The following NELL1 variants were observed in gnomAD, a reference collection of about 807,000 sequenced individuals.
NELL1 encodes the protein protein kinase C-binding protein NELL1.
Under a neutral mutation model 107.4 loss-of-function variants are expected in NELL1, and 76 were observed. The observed-to-expected ratio is 0.71, with a 90% confidence interval of 0.59 to 0.86. The LOEUF (loss-of-function observed/expected upper bound fraction) is 0.86, where lower values mean the gene tolerates loss of function less well. NELL1 is among the 40% of genes least tolerant of loss of function. NELL1 has a pLI of 0.00. For missense variants in NELL1, 1,024 were observed against 1,005.5 expected (o/e 1.02, Z -0.25); for synonymous variants, 353 against 341.2 (o/e 1.03, Z -0.38).
chr11:21,293,735 G>A (rs1337727306), intron 14 of NELL1, among the ~76,000 whole-genome samples: 1 of 152,128 alleles, frequency 6.6e-6, no homozygotes, highest in African/African-American at 2.4e-5. Context: ...TACACACCAT[G>A]GAATACTATG....
At position 20,825,344 on chromosome 11, in the gene NELL1, A is replaced by T. The variant is rs1193296737; in HGVS notation, c.336-22239A>T. Reference sequence around the variant, plus strand: ...TGTCCTCCAGACCCCAGAATGGTAGATCTACCGACATCTTGTGCCATGAAC... The same window carrying T: ...TGTCCTCCAGACCCCAGAATGGTAGTTCTACCGACATCTTGTGCCATGAAC... On this transcript the variant is annotated intron_variant, in intron 3 of 19. Transcript: ENST00000357134. 3.3e-5 allele frequency among the ~76,000 whole-genome samples: 5 copies of T among 151,310 alleles called. No homozygotes were observed. The East Asian group carries it at 9.7e-4, about 29-fold the overall frequency.
intron 15 of NELL1, among the ~76,000 whole-genome samples, chr11:21,453,079 C>T (rs1450386103): frequency 6.6e-6 from 1 of 152,024 alleles, no homozygotes; most frequent in African/African-American, 2.4e-5. Flanking sequence ...ACATGCACCT[C>T]AAGAAAATTT....
At chr11:21,168,674 T>C (rs1394658736) in intron 13 of NELL1, among the ~76,000 whole-genome samples, 1 of 151,910 alleles carries the variant, frequency 6.6e-6, no homozygotes, top group Non-Finnish European at 1.5e-5. Context: ...ATTTTCTTAA[T>C]CCTCCTAAAA....
At chr11:21,350,712 A>T (rs1850789365) in intron 14 of NELL1, among the ~76,000 whole-genome samples, 1 of 152,180 alleles carries the variant, frequency 6.6e-6, no homozygotes, top group Non-Finnish European at 1.5e-5. Context: ...GGAGACAGAG[A>T]GTTGAAAGAC....
chr11:20,707,458 A>T (rs1452405358), intron 2 of NELL1, among the ~76,000 whole-genome samples: 1 of 152,132 alleles, frequency 6.6e-6, no homozygotes, highest in Non-Finnish European at 1.5e-5. Context: ...GATTTTGAGA[A>T]TTTTCAGCTT....
intron 13 of NELL1, among the ~76,000 whole-genome samples, chr11:21,209,782 TA>T (rs1565112383): frequency 1.3e-5 from 2 of 151,744 alleles, no homozygotes; most frequent in Admixed American, 6.6e-5. Flanking sequence ...ACAACTAGAA[TA>T]AAAAAAAGAA....
intron 3 of NELL1, among the ~76,000 whole-genome samples, chr11:20,846,993 A>G (rs183429696): frequency 9.3e-4 from 141 of 152,318 alleles, no homozygotes; most frequent in African/African-American, 3.2e-3. Flanking sequence ...ACTTAATTGC[A>G]TATTTCATTC....
At chr11:21,247,995 A>T (rs1391569561) in intron 14 of NELL1, among the ~76,000 whole-genome samples, 1 of 152,214 alleles carries the variant, frequency 6.6e-6, no homozygotes, top group Non-Finnish European at 1.5e-5. Flanking sequence ...GGTATAGAGA[A>T]ATTTCATTCC....
chr11:20,797,286 C>T (rs1034640697), intron 3 of NELL1, among the ~76,000 whole-genome samples: 3 of 151,264 alleles, frequency 2.0e-5, no homozygotes, highest in East Asian at 2.0e-4. Flanking sequence ...GGTTGCTGGC[C>T]GGGCGCGGTG....
At chr11:21,049,066 C>T (rs1338938948) in intron 12 of NELL1, among the ~76,000 whole-genome samples, 2 of 152,190 alleles carry the variant, frequency 1.3e-5, no homozygotes, top group Admixed American at 6.5e-5. Flanking sequence ...CCACAGGAAG[C>T]TCTGATGCTG....
chr11:21,153,490 TG>T (rs1215482541), intron 13 of NELL1, among the ~76,000 whole-genome samples: 1 of 152,140 alleles, frequency 6.6e-6, no homozygotes, highest in East Asian at 1.9e-4. Context: ...TACTAGGCAC[TG>T]GGGATGCAGC....
intron 5 of NELL1, among the ~76,000 whole-genome samples, chr11:20,887,504 G>A (rs964263670): frequency 3.3e-5 from 5 of 152,134 alleles, no homozygotes; most frequent in African/African-American, 7.2e-5. Context: ...AATTTCAACC[G>A]TCTGTGTGGG....
intron 3 of NELL1, among the ~76,000 whole-genome samples, chr11:20,785,672 A>G (rs1856938619): frequency 1.3e-5 from 2 of 152,224 alleles, no homozygotes; most frequent in Admixed American, 1.3e-4. Context: ...TGGAGGCTGG[A>G]GTTCCAGTTC....
rs777090665 is a variant in NELL1, at chr11:21,570,785, C to T, written c.2002C>T (p.Arg668Trp). 5.8e-5 allele frequency: 94 copies of T among 1,611,298 alleles called. No homozygotes were observed. The highest frequency in any genetic ancestry group is 2.5e-4 in the Admixed American group (15 of 59,782). The change falls in exon 18 of 20, where the codon CGG becomes TGG. Residue 668 changes from arginine (R) to tryptophan (W), a missense_variant. Physicochemically the swap from Arg to Trp is moderately radical, Grantham distance 101. Transcript: ENST00000357134. The part of the protein sequence containing the change: ...SCKDGKIFCR[R>W]TACDCQNPSA... Reference sequence around the variant, plus strand: ...ACAGGATGGCAAGATATTCTGCCGACGGACAGCTTGTGATTGCCAGAATCC... The same window carrying T: ...ACAGGATGGCAAGATATTCTGCCGATGGACAGCTTGTGATTGCCAGAATCC...
At chr11:21,314,302 A>G (rs1321798805) in intron 14 of NELL1, among the ~76,000 whole-genome samples, 2 of 152,120 alleles carry the variant, frequency 1.3e-5, no homozygotes, top group African/African-American at 4.8e-5. Context: ...AAGTTTCAAA[A>G]TGAGTTTCAG....
Position 20,830,749 on chromosome 11 carries a change from A to G in NELL1, c.336-16834A>G, listed in dbSNP as rs141974095. 4.1e-4 allele frequency among the ~76,000 whole-genome samples: 62 copies of G among 152,292 alleles called. No individual in the cohort carries two copies. In the East Asian group the frequency reaches 0.011, roughly 28 times the overall value. On this transcript the variant is annotated intron_variant, in intron 3 of 19. Coordinates refer to ENST00000357134, the MANE Select transcript of NELL1 (RefSeq NM_006157.5). ...TTTTATGTGATTTGTAAAATTCCTT[A>G]TGTGGAAAACAATTATTCTATCACA... is the stretch of plus-strand genomic sequence containing the variant.
At chr11:21,469,085 G>T (rs1286601651) in intron 15 of NELL1, among the ~76,000 whole-genome samples, 1 of 151,922 alleles carries the variant, frequency 6.6e-6, no homozygotes, top group Non-Finnish European at 1.5e-5. Context: ...GAAATGCCAA[G>T]GACCTCTATC....
intron 3 of NELL1, among the ~76,000 whole-genome samples, chr11:20,804,218 T>G (rs1857336360): frequency 6.6e-6 from 1 of 152,274 alleles, no homozygotes; most frequent in South Asian, 2.1e-4. Context: ...TTCAAAAATT[T>G]TTTTCAATTT....
At position 20,960,465 on chromosome 11, in the gene NELL1, G is replaced by A. The variant is rs767448670; in HGVS notation, c.1205G>A (p.Gly402Asp). ...TTTTGTGCAGAAGGACCTAAATGTG[G>A]TGAAAACTCAGAGTGCAAAAACTGG... ...HNFCAEGPKCGENSECKNWNT... is the reference protein window; with the variant it reads ...HNFCAEGPKCDENSECKNWNT... The change falls in exon 12 of 20, where the codon GGT becomes GAT. Residue 402 changes from glycine (G) to aspartate (D), a missense_variant. Transcript: ENST00000357134. 6.2e-7 allele frequency: 1 copy of A among 1,613,906 alleles called. No homozygotes were observed. The highest frequency in any genetic ancestry group is 2.2e-5 in the East Asian group (1 of 44,860).
Sources: allele counts gnomAD v4.1 joint callset (sites outside exome capture counted in the v4.1 genomes callset), GRCh38; gene constraint gnomAD v4.1.1; transcripts MANE v1.5; gene names NCBI Gene and HGNC (gene_info 2026-07-23, HGNC 2026-07-21).